The following LAMP3 variants were observed in gnomAD, a reference collection of about 807,000 sequenced individuals.
LAMP3 encodes lysosome associated membrane protein 3, also known as lysosome-associated membrane glycoprotein 3.
A neutral mutation model predicts 34.8 loss-of-function variants in LAMP3; 26 were observed. That is an observed-to-expected ratio of 0.75 (90% CI 0.55 to 1.04). LAMP3 has a LOEUF of 1.04. LAMP3 is among the 50% of genes least tolerant of loss of function. LAMP3 has a pLI of 0.00. For synonymous variants in LAMP3, 180 were observed against 201.9 expected, an observed-to-expected ratio of 0.89 and a Z score of 0.92; for missense variants, 495 against 524.0, an observed-to-expected ratio of 0.94 and a Z score of 0.54.
chr3:183,139,770 GTGT>G (rs938247429), intron 4 of LAMP3, among the ~76,000 whole-genome samples: 8 of 152,172 alleles, frequency 5.3e-5, no homozygotes, highest in Non-Finnish European at 1.0e-4. Context: ...ATCATTTAAT[GTGT>G]TGTTGTCCTC....
chr3:183,140,519 G>A lies in LAMP3; in HGVS notation c.946+19C>T, dbSNP rs772909198. On this transcript the variant is annotated intron_variant, in intron 4 of 5. Transcript: ENST00000265598. ...AACAGCGTCATGGCTGGTCGAATGG[G>A]CATTCTGTAATTACTAACCTGGATC... 4.7e-6 allele frequency: 7 copies of A among 1,497,244 alleles called. No individual in the cohort carries two copies. Among genetic ancestry groups the A allele is most frequent in the Non-Finnish European group, 5.6e-6 (6 of 1,075,332 alleles). 92.7% of individuals were successfully genotyped at this position (1,497,244 alleles called of 1,614,324 possible). A position where few individuals can be genotyped will look rare whatever the true frequency, so the allele number is the denominator to read the frequency against.
chr3:183,139,070 C>A (rs1720190722), intron 4 of LAMP3, among the ~76,000 whole-genome samples: 1 of 152,140 alleles, frequency 6.6e-6, no homozygotes, highest in Non-Finnish European at 1.5e-5. Context: ...CTCTCCACTC[C>A]CCCTGCTTGT....
intron 1 of LAMP3, among the ~76,000 whole-genome samples, chr3:183,158,602 G>A (rs1720887802): frequency 6.6e-6 from 1 of 151,722 alleles, no homozygotes; most frequent in Admixed American, 6.6e-5. Context: ...GGCGTTAGAA[G>A]GTTTTGGTTC....
chr3:183,137,347 A>T (rs1441609700), intron 4 of LAMP3, among the ~76,000 whole-genome samples: 1 of 152,088 alleles, frequency 6.6e-6, no homozygotes, highest in African/African-American at 2.4e-5. Flanking sequence ...ATAATAAAAG[A>T]AAAATAATTA....
At position 183,124,053 on chromosome 3, in the gene LAMP3, C is replaced by T. The variant is rs780947367; in HGVS notation, c.*28G>A. 1.3e-5 allele frequency: 21 copies of T among 1,613,222 alleles called. No homozygotes were observed. The highest frequency in any genetic ancestry group is 1.4e-5 in the Non-Finnish European group (17 of 1,179,480). On this transcript the variant is annotated 3_prime_UTR_variant, in exon 6 of 6. Coordinates refer to ENST00000265598, the MANE Select transcript of LAMP3 (RefSeq NM_014398.4). ...AGGGATGAAAGAGTTCTCTAAATTC[C>T]ATTATTTTCATTCCCCCCGGGCAAC...
chr3:183,141,037 G>T (rs1207827808), intron 3 of LAMP3, among the ~76,000 whole-genome samples: 3 of 152,182 alleles, frequency 2.0e-5, no homozygotes, highest in Admixed American at 2.0e-4. Flanking sequence ...CCTTCCATCT[G>T]GCTTAGAAGG....
intron 5 of LAMP3, chr3:183,132,896 A>T (rs533833074): frequency 1.0e-6 from 1 of 985,438 alleles, no homozygotes; most frequent in East Asian, 1.1e-4. Context: ...CAGTCCTGTG[A>T]TACTCAGGCC....
intron 5 of LAMP3, among the ~76,000 whole-genome samples, chr3:183,130,271 G>A (rs1560303017): frequency 6.8e-6 from 1 of 146,936 alleles, no homozygotes; most frequent in Admixed American, 7.1e-5. Context: ...CCATTCTCCT[G>A]CCTCAGCCTC....
chr3:183,162,607 C>T lies in LAMP3; in HGVS notation c.49G>A (p.Val17Ile), dbSNP rs1157791679. The T allele has an allele frequency of 6.5e-7, 1 of 1,546,514 alleles. No individual in the cohort carries two copies. Among genetic ancestry groups the T allele is most frequent in the African/African-American group, 1.4e-5 (1 of 72,992 alleles). The part of the protein sequence containing the change: ...AAAALFASLA[V>I]ILHDGSQMRA... ...GCGGGAAGCGCTGAGGGCCACTCAC[C>T]GGCCAGGGACGCGAAGAGCGCGGCC... is the stretch of plus-strand genomic sequence containing the variant. The change falls in exon 1 of 6, where the codon GTA becomes ATA. Residue 17 changes from valine (V) to isoleucine (I), a missense_variant and splice_region_variant. Coordinates refer to ENST00000265598, the MANE Select transcript of LAMP3 (RefSeq NM_014398.4).
Position 183,122,580 on chromosome 3 carries a change from A to G in LAMP3, c.*1501T>C, listed in dbSNP as rs761570855. 1 of 152,260 alleles carries G rather than the reference A, an allele frequency of 6.6e-6. No individual in the cohort carries two copies. Among genetic ancestry groups the G allele is most frequent in the Non-Finnish European group, 1.5e-5 (1 of 68,048 alleles). 9.4% of individuals were successfully genotyped at this position (152,260 alleles called of 1,614,324 possible). On this transcript the variant is annotated 3_prime_UTR_variant, in exon 6 of 6. Transcript: ENST00000265598. ...AACAGTTGGTTAGCGAAGTTTCTCTATTATCAAAAAAATTTAAAAATACTT... is the reference window on the plus strand; with the variant it reads ...AACAGTTGGTTAGCGAAGTTTCTCTGTTATCAAAAAAATTTAAAAATACTT...
chr3:183,136,622 G>A (rs886929210), intron 4 of LAMP3, among the ~76,000 whole-genome samples: 1 of 139,494 alleles, frequency 7.2e-6, no homozygotes, highest in Non-Finnish European at 1.5e-5. Context: ...TTGCACTCCA[G>A]CCTGGGCAAC....
At chr3:183,130,283 C>T (rs918524429) in intron 5 of LAMP3, among the ~76,000 whole-genome samples, 2 of 151,434 alleles carry the variant, frequency 1.3e-5, no homozygotes, top group Admixed American at 6.6e-5. Flanking sequence ...CTCAGCCTCC[C>T]GAGTAGCTGG....
At chr3:183,125,285 C>CGTACTAA (rs1170613966) in intron 5 of LAMP3, among the ~76,000 whole-genome samples, 2 of 152,208 alleles carry the variant, frequency 1.3e-5, no homozygotes, top group African/African-American at 4.8e-5. Context: ...GAAATTATGT[C>CGTACTAA]CTGAACCAAG....
chr3:183,122,709 G>A lies in LAMP3; in HGVS notation c.*1372C>T, dbSNP rs1180250446. ...AAGCCCCTCAGTCTCCTTCCAGAGA[G>A]TGGAGGATTTATTAAGGATAGGCTA... On this transcript the variant is annotated 3_prime_UTR_variant, in exon 6 of 6. Transcript: ENST00000265598. The A allele has an allele frequency of 2.6e-5, 4 of 152,252 alleles. No homozygotes were observed. The highest frequency in any genetic ancestry group is 6.5e-5 in the Admixed American group (1 of 15,280). The allele number at this position is 152,252 out of a possible 1,614,324, so 9.4% of individuals were successfully genotyped here.
chr3:183,149,532 G>A (rs1220018588), intron 3 of LAMP3, among the ~76,000 whole-genome samples: 14 of 115,792 alleles, frequency 1.2e-4, no homozygotes, highest in Non-Finnish European at 1.9e-4. Context: ...GTGACAGAGC[G>A]AGACTCCAAC....
chr3:183,147,487 A>G (rs1377612853), intron 3 of LAMP3, among the ~76,000 whole-genome samples: 2 of 151,988 alleles, frequency 1.3e-5, no homozygotes, highest in Non-Finnish European at 2.9e-5. Flanking sequence ...GCTTACTTTA[A>G]TATTTTTCTT....
intron 3 of LAMP3, among the ~76,000 whole-genome samples, chr3:183,151,384 G>T (rs1720625665): frequency 6.6e-6 from 1 of 151,476 alleles, no homozygotes; most frequent in South Asian, 2.1e-4. Context: ...GCAGCTGCTG[G>T]CTCTTGAGCA....
chr3:183,128,042 G>C (rs1719826009), intron 5 of LAMP3, among the ~76,000 whole-genome samples: 1 of 151,982 alleles, frequency 6.6e-6, no homozygotes, highest in Non-Finnish European at 1.5e-5. Context: ...CAGTTACTTG[G>C]GAGGCTGAGG....
chr3:183,128,370 T>C (rs767884520), intron 5 of LAMP3, among the ~76,000 whole-genome samples: 1 of 152,198 alleles, frequency 6.6e-6, no homozygotes, highest in African/African-American at 2.4e-5. Flanking sequence ...TTATGCACTA[T>C]GATTTTTTGA....
Sources: gnomAD v4.1 joint callset for allele counts (sites outside exome capture counted in the v4.1 genomes callset) on GRCh38, gnomAD v4.1.1 for gene constraint, MANE v1.5 for transcripts, NCBI Gene and HGNC (gene_info 2026-07-23, HGNC 2026-07-21) for gene names.